The following USP34 variants were observed in gnomAD, a reference collection of about 807,000 sequenced individuals.
The protein encoded by USP34 is ubiquitin specific peptidase 34, also known as ubiquitin carboxyl-terminal hydrolase 34.
In USP34, 70 loss-of-function variants were observed where a neutral mutation model predicts 460.3. The observed-to-expected ratio is 0.15, with a 90% CI of 0.13 to 0.19. The LOEUF (loss-of-function observed/expected upper bound fraction) is 0.19, where lower values mean the gene tolerates loss of function less well. Among genes scored for constraint, USP34 ranks in the 10% least tolerant of loss-of-function variants. USP34 has a pLI of 1.00. For synonymous variants in USP34, 1,647 were observed against 1,405.3 expected, an observed-to-expected ratio of 1.17 and a Z score of -3.85; for missense variants, 3,985 against 4,236.2, an observed-to-expected ratio of 0.94 and a Z score of 1.65.
At chr2:61,232,933 G>A (rs950324515) in intron 57 of USP34, among the ~76,000 whole-genome samples, 4 of 129,456 alleles carry the variant, frequency 3.1e-5, no homozygotes, top group Non-Finnish European at 6.1e-5. Context: ...GCAGTGGCAC[G>A]ATCTCGGCTC....
intron 7 of USP34, 104 bp from the exon 8 acceptor site, chr2:61,378,528 A>T: frequency 3.1e-6 from 2 of 637,594 alleles, no homozygotes; most frequent in Non-Finnish European, 5.4e-6. Context: ...GTAGATCACA[A>T]TAACTAGATT....
Position 61,348,112 on chromosome 2 carries a change from T to C in USP34, c.2043A>G (p.Ser681=), listed in dbSNP as rs749021474. 7 of 1,614,098 alleles carry C rather than the reference T, an allele frequency of 4.3e-6. No individual in the cohort carries two copies. Among genetic ancestry groups the C allele is most frequent in the African/African-American group, 2.7e-5 (2 of 74,938 alleles). The stretch of plus-strand genomic sequence containing the variant: ...GCATTCGATTATCTACTGATGGCAA[T>C]GATTCAGTGTTAAAAACCAGGTCCT... ...TGKDLVFNTE[S]LPSVDNRMRM... Residue 681 remains serine (S), a synonymous_variant, in exon 15 of 80, where the codon TCA becomes TCG. Coordinates refer to ENST00000398571, the MANE Select transcript of USP34 (RefSeq NM_014709.4).
At chr2:61,208,776 T>C (rs1036319352) in intron 70 of USP34, 123 bp downstream of exon 70, 2 of 525,732 alleles carry the variant, frequency 3.8e-6, no homozygotes, top group African/African-American at 3.9e-5. Context: ...TACTGATCTA[T>C]ATAATTAAAA....
At chr2:61,390,498 C>G (rs2103890199) in intron 5 of USP34, among the ~76,000 whole-genome samples, 1 of 152,260 alleles carries the variant, frequency 6.6e-6, no homozygotes, top group Admixed American at 6.5e-5. Context: ...ACATAAAGAT[C>G]TTTGTTGTTT....
rs1687626726 is a variant in USP34, at chr2:61,222,938, C to A, written c.7749+122G>T. 3.5e-6 allele frequency: 3 copies of A among 867,830 alleles called. No individual in the cohort carries two copies. In the South Asian group the frequency reaches 5.5e-5, roughly 16 times the overall value. 53.8% of individuals were successfully genotyped at this position (867,830 alleles called of 1,614,324 possible). On this transcript the variant is annotated intron_variant, in intron 64 of 79. Transcript: ENST00000398571. ...TCTCAAACTCCTAGGCTCAAGCGAT[C>A]CTCCCGCCTTGGCCTCCCAAAGTGC...
At chr2:61,333,039 G>A (rs1207051931) in intron 19 of USP34, among the ~76,000 whole-genome samples, 1 of 151,948 alleles carries the variant, frequency 6.6e-6, no homozygotes, top group Non-Finnish European at 1.5e-5. Context: ...CCTTCAACAA[G>A]TCGAATTTTC....
At chr2:61,328,094 A>G (rs1393731573) in intron 20 of USP34, among the ~76,000 whole-genome samples, 1 of 152,086 alleles carries the variant, frequency 6.6e-6, no homozygotes, top group Admixed American at 6.5e-5. Context: ...CCTGAGGTCA[A>G]GAGTTCGAGA....
At chr2:61,287,061 T>C (rs917867356) in intron 34 of USP34, among the ~76,000 whole-genome samples, 3 of 152,220 alleles carry the variant, frequency 2.0e-5, no homozygotes, top group East Asian at 1.9e-4. Flanking sequence ...ACACAGTACA[T>C]TGCAGAATAC....
At chr2:61,285,254 T>A (rs1475132949) in intron 34 of USP34, among the ~76,000 whole-genome samples, 1 of 151,964 alleles carries the variant, frequency 6.6e-6, no homozygotes, top group African/African-American at 2.4e-5. Flanking sequence ...TTAGGGAGGC[T>A]CAGGTGGGTG....
At chr2:61,378,926 A>AC (rs752182403) in intron 7 of USP34, among the ~76,000 whole-genome samples, 54 of 148,964 alleles carry the variant, frequency 3.6e-4, no homozygotes, top group Non-Finnish European at 6.6e-4. Flanking sequence ...AAAAAAAAAA[A>AC]AAAAAAAAAA....
chr2:61,266,731 A>G (rs1689058480), intron 41 of USP34, among the ~76,000 whole-genome samples: 1 of 152,174 alleles, frequency 6.6e-6, no homozygotes, highest in African/African-American at 2.4e-5. Context: ...ACTATGGTAC[A>G]TTGGTCTGCA....
At chr2:61,376,224 A>G (rs1437425145) in intron 8 of USP34, among the ~76,000 whole-genome samples, 2 of 146,370 alleles carry the variant, frequency 1.4e-5, no homozygotes, top group Non-Finnish European at 2.9e-5. Context: ...TGTTAATAAA[A>G]CTGCTTAAAA....
In USP34 at chr2:61,248,526, T is replaced by C. The variant is rs748506563; in HGVS notation, c.6379A>G (p.Ser2127Gly). Residue 2127 changes from serine to glycine, a missense_variant, in exon 49 of 80, where the codon AGT becomes GGT. Ser to Gly is a moderately conservative substitution (Grantham distance 56). Coordinates refer to ENST00000398571, the MANE Select transcript of USP34 (RefSeq NM_014709.4). ...PYTEDFLMGK[S>G]ERKEGFKEVS... is the part of the protein sequence containing the mutation. ...AAAAAATCACCTTCTTTCCTCTCAC[T>C]CTTTCCCATAAGAAAATCTTCTGTA... 6.4e-7 allele frequency: 1 copy of C among 1,565,652 alleles called. No individual in the cohort carries two copies. The highest frequency in any genetic ancestry group is 1.2e-5 in the South Asian group (1 of 83,822).
intron 3 of USP34, 54 bp downstream of exon 3, chr2:61,405,654 C>A: frequency 7.0e-7 from 1 of 1,433,308 alleles, no homozygotes; most frequent in Non-Finnish European, 9.3e-7. Flanking sequence ...AAGAAACAGA[C>A]TGCGAAGTTA....
chr2:61,378,253 A>T, intron 8 of USP34, 110 bp downstream of exon 8: 1 of 760,268 alleles, frequency 1.3e-6, no homozygotes, highest in Non-Finnish European at 2.1e-6. Context: ...ACAATGTCAA[A>T]GGGCAAAGAA....
rs762015228 is a variant in USP34 at position 61,278,186 on chromosome 2, A to G, written c.5412T>C (p.Phe1804=). 3.1e-6 allele frequency: 5 copies of G among 1,613,270 alleles called. No individual in the cohort carries two copies. The highest frequency in any genetic ancestry group is 4.2e-6 in the Non-Finnish European group (5 of 1,179,564). ...TTACCTGTCCTTCCCTTGAAAATTT[A>G]AAGGGTGGTTTGTGTTTAACAACAC... ...ATSVVKHKPP[F]KFSREGQEFL... is the part of the protein sequence containing the mutation. Residue 1804 remains phenylalanine, a synonymous_variant, in exon 41 of 80, where the codon TTT becomes TTC. Coordinates refer to ENST00000398571, the MANE Select transcript of USP34 (RefSeq NM_014709.4).
intron 5 of USP34, among the ~76,000 whole-genome samples, chr2:61,386,912 TTGA>T (rs1693163628): frequency 6.6e-6 from 1 of 152,142 alleles, no homozygotes; most frequent in Non-Finnish European, 1.5e-5. Flanking sequence ...AACATGAAGC[TTGA>T]TGAATAATAT....
At chr2:61,226,885 G>C in intron 62 of USP34, 182 bp downstream of exon 62, 1 of 708,462 alleles carries the variant, frequency 1.4e-6, no homozygotes, top group Non-Finnish European at 2.0e-6. Flanking sequence ...AAATTCTTAT[G>C]CCACAAGAGT....
At chr2:61,204,959 A>T (rs985444178) in intron 72 of USP34, among the ~76,000 whole-genome samples, 1 of 152,032 alleles carries the variant, frequency 6.6e-6, no homozygotes, top group Non-Finnish European at 1.5e-5. Context: ...GGTGCAAGTG[A>T]TCCTCCTGCC....
Sources: allele counts gnomAD v4.1 joint callset (sites outside exome capture counted in the v4.1 genomes callset), GRCh38; gene constraint gnomAD v4.1.1; transcripts MANE v1.5; gene names NCBI Gene and HGNC (gene_info 2026-07-23, HGNC 2026-07-21).